GREB1L: variants seen among roughly 807,000 people sequenced by gnomAD.
GREB1L encodes the protein GREB1 like retinoic acid receptor coactivator, also known as GREB1-like protein.
In GREB1L, 17 loss-of-function variants were observed where a neutral mutation model predicts 200.8. The ratio of observed to expected loss-of-function variants is 0.08; its 90% CI spans 0.06 to 0.13. The LOEUF is 0.13. GREB1L is among the 10% of genes least tolerant of loss of function. The pLI is 1.00. For synonymous variants in GREB1L, 789 were observed against 893.0 expected (o/e 0.88, Z 2.08); for missense variants, 1,657 against 2,367.7 (o/e 0.70, Z 6.23).
At chr18:21,496,039 G>T (rs1438074881) in intron 20 of GREB1L, among the ~76,000 whole-genome samples, 1 of 152,140 alleles carries the variant, frequency 6.6e-6, no homozygotes, top group Non-Finnish European at 1.5e-5. Context: ...GGGAGGAAAA[G>T]CAGGATTTTT....
chr18:21,318,517 A>G (rs547788695), intron 1 of GREB1L, among the ~76,000 whole-genome samples: 4 of 152,320 alleles, frequency 2.6e-5, no homozygotes, highest in East Asian at 3.9e-4. Flanking sequence ...GCCCACATCT[A>G]TGGGTCAAAA....
rs1259845915 is a variant in GREB1L at position 21,508,467 on chromosome 18, C to T, written c.4611C>T (p.Ala1537=). ...HEHGLLNLFH[A]MEGISHLHLL... is the part of the protein sequence containing the mutation. ...ACGGACTCCTAAACCTTTTCCACGC[C>T]ATGGAGGGCATCAGCCACCTTCACC... Residue 1537 remains alanine, a synonymous_variant, in exon 27 of 33, where the codon GCC becomes GCT. Coordinates refer to ENST00000424526, the MANE Select transcript of GREB1L (RefSeq NM_001142966.3). The T allele has an allele frequency of 6.4e-7, 1 of 1,551,668 alleles. No individual in the cohort carries two copies. The highest frequency in any genetic ancestry group is 2.0e-5 in the Admixed American group (1 of 51,004).
intron 16 of GREB1L, among the ~76,000 whole-genome samples, chr18:21,475,090 A>T (rs2035634441): frequency 1.3e-5 from 2 of 152,180 alleles, no homozygotes. Context: ...ATTTTGTTTT[A>T]AGAGCTTTGT....
intron 18 of GREB1L, among the ~76,000 whole-genome samples, chr18:21,488,539 C>T (rs2036210831): frequency 6.6e-6 from 1 of 152,168 alleles, no homozygotes; most frequent in Non-Finnish European, 1.5e-5. Flanking sequence ...TGCATTGCTA[C>T]CAAATGGCAA....
intron 1 of GREB1L, among the ~76,000 whole-genome samples, chr18:21,346,782 G>A (rs2039352233): frequency 6.6e-6 from 1 of 152,124 alleles, no homozygotes; most frequent in Non-Finnish European, 1.5e-5. Context: ...GTCCTGTCTC[G>A]TGCTTCTGCC....
At chr18:21,254,241 T>G (rs1211522072) in intron 1 of GREB1L, among the ~76,000 whole-genome samples, 6 of 151,870 alleles carry the variant, frequency 4.0e-5, no homozygotes, top group Admixed American at 2.6e-4. Context: ...AGCTAATTTT[T>G]GTATTTTTAG....
chr18:21,418,742 T>C (rs762864815), intron 7 of GREB1L, among the ~76,000 whole-genome samples: 3 of 152,054 alleles, frequency 2.0e-5, no homozygotes, highest in Admixed American at 6.6e-5. Flanking sequence ...CCAGGCTGGT[T>C]TCGAGCTCCT....
At chr18:21,436,735 G>A (rs2033569437) in intron 7 of GREB1L, among the ~76,000 whole-genome samples, 1 of 149,532 alleles carries the variant, frequency 6.7e-6, no homozygotes. Context: ...TTCTGAAACA[G>A]GGTATCTCTC....
intron 1 of GREB1L, among the ~76,000 whole-genome samples, chr18:21,360,311 C>T (rs1167210976): frequency 4.6e-5 from 7 of 152,126 alleles, no homozygotes; most frequent in African/African-American, 9.7e-5. Flanking sequence ...CTCCGCCTCC[C>T]GGGTTCAAGC....
intron 1 of GREB1L, among the ~76,000 whole-genome samples, chr18:21,296,323 G>T (rs563321367): frequency 1.3e-5 from 2 of 152,318 alleles, no homozygotes; most frequent in East Asian, 3.9e-4. Flanking sequence ...GTGAATTAAT[G>T]TAAGAACAGA....
rs997053935 is a variant in GREB1L, at chr18:21,354,370, G to A, written c.-119-11657G>A. 5.3e-5 allele frequency among the ~76,000 whole-genome samples: 8 copies of A among 152,186 alleles called. No homozygotes were observed. In the East Asian group the frequency reaches 7.7e-4, roughly 15 times the overall value. ...AGGGAGGCAGAGGTGGGAGGATAGC[G>A]TGAGCCCAGTTATTAGAGACCAGCC... On this transcript the variant is annotated intron_variant, in intron 1 of 32. Transcript: ENST00000424526.
chr18:21,252,156 T>C (rs539008913), intron 1 of GREB1L, among the ~76,000 whole-genome samples: 2 of 152,338 alleles, frequency 1.3e-5, no homozygotes, highest in African/African-American at 4.8e-5. Flanking sequence ...AATAGTAAAC[T>C]ATCACTTGAT....
rs1218264537 is a variant in GREB1L at position 21,279,222 on chromosome 18, G to A, written c.-120+36829G>A. On this transcript the variant is annotated intron_variant, in intron 1 of 32. Transcript: ENST00000424526. ...ACTTCTTATAGCTTTTTGCAGAAAC[G>A]TTTATTTTCATAATTGTAATTATAT... Among the ~76,000 whole-genome samples the A allele has an allele frequency of 9.9e-5, 15 of 151,850 alleles. 1 individual carries two copies. The East Asian group carries it at 2.7e-3, about 27-fold the overall frequency.
At chr18:21,280,730 A>G (rs541818986) in intron 1 of GREB1L, among the ~76,000 whole-genome samples, 1 of 151,728 alleles carries the variant, frequency 6.6e-6, no homozygotes, top group African/African-American at 2.4e-5. Flanking sequence ...TCTATTTTCC[A>G]TGTCTGAGAT....
intron 11 of GREB1L, among the ~76,000 whole-genome samples, chr18:21,448,159 C>CA (rs34682720): frequency 0.72 from 94,633 of 131,726 alleles, 34,163 homozygotes; most frequent in Non-Finnish European, 0.83. Context: ...GAAACTGTCT[C>CA]AAAAAAAAAA....
rs11355874 is a variant in GREB1L, at chr18:21,463,134, C to CT, written c.2182+8600dup. 1.6e-3 allele frequency among the ~76,000 whole-genome samples: 88 copies of CT among 55,688 alleles called. 15 individuals carry two copies. Among genetic ancestry groups the CT allele is most frequent in the African/African-American group, 1.7e-3 (21 of 12,636 alleles). The allele number at this position is 55,688 out of a possible 152,430, so 36.5% of individuals were successfully genotyped here. On this transcript the variant is annotated intron_variant, in intron 15 of 32. Transcript: ENST00000424526. Reference sequence around the variant, plus strand: ...CCGATAGGTAAATAGCTTAATGGTTCTTTTTTTTTTTTTTTTTTTTTTTTT... The same window carrying CT: ...CCGATAGGTAAATAGCTTAATGGTTCTTTTTTTTTTTTTTTTTTTTTTTTTT...
chr18:21,301,913 G>A (rs1225446493), intron 1 of GREB1L, among the ~76,000 whole-genome samples: 2 of 152,140 alleles, frequency 1.3e-5, no homozygotes, highest in Non-Finnish European at 2.9e-5. Context: ...TTGCTGGCAC[G>A]AGGAATTGGA....
rs191651558 is a variant in GREB1L, at chr18:21,339,502, T to C, written c.-119-26525T>C. On this transcript the variant is annotated intron_variant, in intron 1 of 32. Coordinates refer to ENST00000424526, the MANE Select transcript of GREB1L (RefSeq NM_001142966.3). ...TTCTGTGACTATGGAGAATTTAGTG[T>C]AGCTTAGCCTGAAAAGCATATGATA... Among the ~76,000 whole-genome samples the C allele has an allele frequency of 2.4e-4, 37 of 152,360 alleles. No homozygotes were observed. In the East Asian group the frequency reaches 6.4e-3, roughly 26 times the overall value.
At chr18:21,255,965 C>G (rs1292100597) in intron 1 of GREB1L, among the ~76,000 whole-genome samples, 25 of 152,078 alleles carry the variant, frequency 1.6e-4, no homozygotes, top group Non-Finnish European at 2.5e-4. Flanking sequence ...ATAATACTGT[C>G]TGCAATATTG....
Sources: allele counts gnomAD v4.1 joint callset (sites outside exome capture counted in the v4.1 genomes callset), GRCh38; gene constraint gnomAD v4.1.1; transcripts MANE v1.5; gene names NCBI Gene and HGNC (gene_info 2026-07-23, HGNC 2026-07-21).